The following RBM25 variants were observed in gnomAD, a reference collection of about 807,000 sequenced individuals.
The protein encoded by RBM25 is RNA-binding protein 25.
Under a neutral mutation model 120.7 loss-of-function variants are expected in RBM25, and 19 were observed. That is an observed-to-expected ratio of 0.16 (90% CI 0.11 to 0.23). RBM25 has a LOEUF of 0.23. RBM25 is among the 10% of genes least tolerant of loss of function. The pLI, the probability that RBM25 is intolerant of heterozygous loss-of-function variation, is 1.00. For missense variants in RBM25, 605 were observed against 1,041.5 expected (o/e 0.58, Z 5.77); for synonymous variants, 390 against 326.7 (o/e 1.19, Z -2.09).
At chr14:73,093,585 C>A (rs1895864538) in intron 6 of RBM25, among the ~76,000 whole-genome samples, 1 of 152,114 alleles carries the variant, frequency 6.6e-6, no homozygotes, top group South Asian at 2.1e-4. Context: ...CGGCTCACTG[C>A]AACCTCCGCC....
At chr14:73,077,684 G>A (rs150258142) in intron 4 of RBM25, 148 bp downstream of exon 4, 1 of 685,352 alleles carries the variant, frequency 1.5e-6, no homozygotes, top group Non-Finnish European at 2.4e-6. Flanking sequence ...GAACACGTTT[G>A]TATTCTTTTC....
intron 18 of RBM25, among the ~76,000 whole-genome samples, chr14:73,116,906 G>C (rs1243031080): frequency 6.6e-6 from 1 of 152,136 alleles, no homozygotes; most frequent in East Asian, 1.9e-4. Context: ...ATGGGGCCTT[G>C]TAAATATTTC....
chr14:73,105,935 C>CGGGAGCGAGAGA lies in RBM25; in HGVS notation c.1233_1244dup (p.Arg423_Glu426dup), dbSNP rs1896177801. Reference sequence around the variant, plus strand: ...GAGAGAACGAGAGCGAGAACGAGAACGGGAGCGAGAGAGAGAGCGAGAGAG... The same window carrying CGGGAGCGAGAGA: ...GAGAGAACGAGAGCGAGAACGAGAACGGGAGCGAGAGAGGGAGCGAGAGAGAGAGCGAGAGAG... On this transcript the variant is annotated inframe_insertion, in exon 11 of 19. Coordinates refer to ENST00000261973, the MANE Select transcript of RBM25 (RefSeq NM_021239.3). The CGGGAGCGAGAGA allele has an allele frequency of 6.2e-7, 1 of 1,610,100 alleles. No homozygotes were observed. Among genetic ancestry groups the CGGGAGCGAGAGA allele is most frequent in the Non-Finnish European group, 8.5e-7 (1 of 1,178,378 alleles).
intron 16 of RBM25, 127 bp from the exon 17 acceptor site, chr14:73,112,025 A>G (rs1371909952): frequency 9.4e-7 from 1 of 1,065,092 alleles, no homozygotes. Flanking sequence ...GTATCTTGAT[A>G]CATATCTGTC....
In RBM25 at chr14:73,106,031, C is replaced by A; in HGVS notation, c.1327C>A (p.Arg443=). 6.2e-7 allele frequency: 1 copy of A among 1,610,222 alleles called. No homozygotes were observed. Among genetic ancestry groups the A allele is most frequent in the Non-Finnish European group, 8.5e-7 (1 of 1,179,148 alleles). The change falls in exon 11 of 19, where the codon CGA becomes AGA. Residue 443 remains arginine, a synonymous_variant. Coordinates refer to ENST00000261973, the MANE Select transcript of RBM25 (RefSeq NM_021239.3). The stretch of plus-strand genomic sequence containing the variant: ...AGAAGATGAAGAAGATGCATACGAA[C>A]GAAGAAAACTTGAAAGAAAACTCCG... ...REEDEEDAYE[R]RKLERKLREK... is the part of the protein sequence containing the mutation.
intron 14 of RBM25, among the ~76,000 whole-genome samples, chr14:73,109,741 C>T (rs1449990316): frequency 4.6e-5 from 7 of 152,052 alleles, no homozygotes; most frequent in East Asian, 3.9e-4. Flanking sequence ...TGCAGTGAGC[C>T]GAGATCGCGC....
intron 6 of RBM25, among the ~76,000 whole-genome samples, chr14:73,092,925 G>A (rs1251057303): frequency 6.6e-6 from 1 of 152,158 alleles, no homozygotes; most frequent in Non-Finnish European, 1.5e-5. Context: ...CAAACAACTT[G>A]ACTGAACATT....
At chr14:73,092,685 T>C (rs779427773) in intron 6 of RBM25, among the ~76,000 whole-genome samples, 16 of 151,982 alleles carry the variant, frequency 1.1e-4, no homozygotes, top group Admixed American at 2.6e-4. Flanking sequence ...AACTCGTCAT[T>C]TAACATTAGG....
rs749552223 is a variant in RBM25 at position 73,112,211 on chromosome 14, T to C, written c.2352T>C (p.Gly784=). The change falls in exon 17 of 19, where the codon GGT becomes GGC. Residue 784 remains glycine (G), a synonymous_variant. Coordinates refer to ENST00000261973, the MANE Select transcript of RBM25 (RefSeq NM_021239.3). The part of the protein sequence containing the change: ...WINKKIIEYI[G]EEEATLVDFV... ...ATAAGAAAATCATAGAATATATAGG[T>C]GAAGAAGAAGCTACATTAGTTGATT... 6.2e-6 allele frequency: 10 copies of C among 1,607,172 alleles called. No individual in the cohort carries two copies. The highest frequency in any genetic ancestry group is 3.3e-4 in the Middle Eastern group (2 of 6,040).
At chr14:73,081,580 G>A (rs1239885949) in intron 4 of RBM25, among the ~76,000 whole-genome samples, 1 of 152,068 alleles carries the variant, frequency 6.6e-6, no homozygotes, top group Admixed American at 6.6e-5. Flanking sequence ...TGCTTGTGCC[G>A]ACACATAGTA....
chr14:73,086,892 A>T (rs1357925302), intron 5 of RBM25, among the ~76,000 whole-genome samples: 4 of 152,114 alleles, frequency 2.6e-5, no homozygotes, highest in Non-Finnish European at 5.9e-5. Flanking sequence ...TTTAGTAGAG[A>T]GAGGGTTTCA....
chr14:73,117,805 C>T (rs1413967357), intron 18 of RBM25, among the ~76,000 whole-genome samples: 1 of 152,084 alleles, frequency 6.6e-6, no homozygotes, highest in African/African-American at 2.4e-5. Flanking sequence ...ACTCTAAATT[C>T]CTACCCCAAA....
At position 73,119,765 on chromosome 14, in the gene RBM25, T is replaced by C; in HGVS notation, c.2492T>C (p.Ile831Thr). 6.2e-7 allele frequency: 1 copy of C among 1,611,012 alleles called. No homozygotes were observed. Among genetic ancestry groups the C allele is most frequent in the Non-Finnish European group, 8.5e-7 (1 of 1,179,344 alleles). The change falls in exon 19 of 19, where the codon ATA (isoleucine) becomes ACA (threonine). Residue 831 changes from isoleucine (I) to threonine (T), a missense_variant. Transcript: ENST00000261973. ...VFIVKMWRLL[I>T]YETEAKKIGL... ...ATAGTCAAAATGTGGAGATTATTGA[T>C]ATATGAAACAGAAGCCAAGAAAATT...
intron 6 of RBM25, among the ~76,000 whole-genome samples, chr14:73,095,994 T>G (rs922432972): frequency 6.6e-6 from 1 of 152,178 alleles, no homozygotes; most frequent in Non-Finnish European, 1.5e-5. Context: ...ATTATTATTA[T>G]TGAGATGGAG....
intron 16 of RBM25, 124 bp downstream of exon 16, chr14:73,111,926 T>C: frequency 7.8e-7 from 1 of 1,277,276 alleles, no homozygotes; most frequent in East Asian, 2.4e-5. Flanking sequence ...GATGATCATC[T>C]TGACACCAAC....
chr14:73,077,782 G>A (rs948249974), intron 4 of RBM25, among the ~76,000 whole-genome samples: 1 of 152,170 alleles, frequency 6.6e-6, no homozygotes, highest in African/African-American at 2.4e-5. Flanking sequence ...AAAGTAAATT[G>A]TGGCATAACA....
intron 4 of RBM25, among the ~76,000 whole-genome samples, chr14:73,081,071 T>A (rs1895551672): frequency 6.6e-6 from 1 of 151,928 alleles, no homozygotes; most frequent in South Asian, 2.1e-4. Flanking sequence ...GTGATCTCCC[T>A]GCCTCAGCCT....
At chr14:73,100,173 T>A (rs944477124) in intron 9 of RBM25, 28 of 525,092 alleles carry the variant, frequency 5.3e-5, no homozygotes, top group Non-Finnish European at 5.5e-5. Context: ...TTGTATAGAT[T>A]TAAGTTGAGT....
chr14:73,099,504 T>G, intron 8 of RBM25, 71 bp downstream of exon 8: 1 of 1,585,404 alleles, frequency 6.3e-7, no homozygotes, highest in Non-Finnish European at 8.6e-7. Context: ...TTCTTGTCTA[T>G]CTGATTTTTC....
Sources: allele counts gnomAD v4.1 joint callset (sites outside exome capture counted in the v4.1 genomes callset), GRCh38; gene constraint gnomAD v4.1.1; transcripts MANE v1.5; gene names NCBI Gene and HGNC (gene_info 2026-07-23, HGNC 2026-07-21).